Variants in HYCC2 observed in about 807,000 individuals in gnomAD.
The protein encoded by HYCC2 is hyccin PI4KA lipid kinase complex subunit 2, also known as hyccin 2.
At chr2:201,019,561 T>C in the HYCC2 span, among the ~76,000 whole-genome samples, 23 of 152,014 alleles carry the variant, frequency 1.5e-4, no homozygotes, top group African/African-American at 4.1e-4. Flanking sequence ...CAGACCAGCC[T>C]GCACAATGTG....
At chr2:200,997,266 A>AAAC in the HYCC2 span, 11 of 484,604 alleles carry the variant, frequency 2.3e-5, no homozygotes, top group African/African-American at 4.0e-5. Flanking sequence ...TAAAAAACCA[A>AAAC]AACAACAACA....
chr2:201,038,833 A>G, the HYCC2 span, among the ~76,000 whole-genome samples: 4 of 152,242 alleles, frequency 2.6e-5, no homozygotes, highest in African/African-American at 9.6e-5. Flanking sequence ...AACATGGCAC[A>G]TGTATACATA....
chr2:201,034,077 T>C, the HYCC2 span, among the ~76,000 whole-genome samples: 1 of 152,024 alleles, frequency 6.6e-6, no homozygotes, highest in Non-Finnish European at 1.5e-5. Flanking sequence ...ATATCTATAG[T>C]TTCCACCCAT....
At chr2:201,051,339 T>A in the HYCC2 span, among the ~76,000 whole-genome samples, 1 of 152,220 alleles carries the variant, frequency 6.6e-6, no homozygotes, top group Admixed American at 6.5e-5. Context: ...CCACTTCTAT[T>A]CAACATTGTA....
At chr2:201,015,721 A>C in the HYCC2 span, among the ~76,000 whole-genome samples, 1 of 152,198 alleles carries the variant, frequency 6.6e-6, no homozygotes, top group African/African-American at 2.4e-5. Flanking sequence ...CAAAACTGAC[A>C]CAAAATTGTC....
the HYCC2 span, chr2:201,022,174 T>A: frequency 2.0e-6 from 2 of 979,802 alleles, no homozygotes; most frequent in Non-Finnish European, 2.8e-6. Flanking sequence ...TAAGCATACA[T>A]GAATCCAGTG....
At chr2:201,029,770 G>A in the HYCC2 span, among the ~76,000 whole-genome samples, 1 of 152,072 alleles carries the variant, frequency 6.6e-6, no homozygotes, top group East Asian at 1.9e-4. Context: ...CATTCACCAG[G>A]GCCTGTCATG....
the HYCC2 span, among the ~76,000 whole-genome samples, chr2:201,042,302 G>C: frequency 1.3e-5 from 2 of 152,034 alleles, no homozygotes; most frequent in East Asian, 3.9e-4. Flanking sequence ...ATCTCGGATC[G>C]CTACAACCTA....
the HYCC2 span, among the ~76,000 whole-genome samples, chr2:201,028,768 A>G: frequency 1.8e-4 from 28 of 152,214 alleles, no homozygotes; most frequent in Non-Finnish European, 7.3e-5. Context: ...CAAATGTAGA[A>G]AGCTGAAACT....
chr2:200,981,022 GA>G, the HYCC2 span: 2 of 529,096 alleles, frequency 3.8e-6, no homozygotes, highest in Non-Finnish European at 6.8e-6. This position sits in a 1 kb window ranked among gnomAD's most constrained non-coding sequence, Gnocchi z 4.5. Context: ...GGAAGGCATG[GA>G]AAAGGCAACC....
At chr2:201,042,101 C>T in the HYCC2 span, among the ~76,000 whole-genome samples, 1 of 152,176 alleles carries the variant, frequency 6.6e-6, no homozygotes, top group Non-Finnish European at 1.5e-5. Context: ...GGATTGCAGG[C>T]ACATGCCGCC....
the HYCC2 span, among the ~76,000 whole-genome samples, chr2:201,039,891 T>C: frequency 2.0e-5 from 3 of 152,042 alleles, no homozygotes; most frequent in Non-Finnish European, 4.4e-5. Context: ...AGTGAGGAAA[T>C]AGGCTGGGCA....
At chr2:201,033,029 T>C in the HYCC2 span, among the ~76,000 whole-genome samples, 14 of 152,192 alleles carry the variant, frequency 9.2e-5, no homozygotes, top group South Asian at 2.9e-3. Flanking sequence ...ATTTGTTTTT[T>C]TTTTAAATGT....
At chr2:201,069,543 AACACACACACACACACACACACACAC>A in the HYCC2 span, among the ~76,000 whole-genome samples, 3,897 of 143,740 alleles carry the variant, frequency 0.027, 76 homozygotes, top group Middle Eastern at 0.086. Flanking sequence ...CATAAGAAGA[AACACACACACACACACACACACACAC>A]ACACACACAC....
At chr2:201,007,353 G>C in the HYCC2 span, among the ~76,000 whole-genome samples, 1 of 152,136 alleles carries the variant, frequency 6.6e-6, no homozygotes, top group Non-Finnish European at 1.5e-5. Context: ...TAGCCCTACA[G>C]CTGGGCAAAA....
the HYCC2 span, among the ~76,000 whole-genome samples, chr2:201,003,439 G>A: frequency 9.6e-3 from 1,454 of 152,216 alleles, 24 homozygotes; most frequent in African/African-American, 0.033. Context: ...AGCTGAGATC[G>A]CACCACTGCA....
At chr2:201,008,893 A>G in the HYCC2 span, 1 of 898,450 alleles carries the variant, frequency 1.1e-6, no homozygotes. Flanking sequence ...ACAGAGTGAG[A>G]CTCTGTCATT....
the HYCC2 span, among the ~76,000 whole-genome samples, chr2:201,014,826 C>T: frequency 6.6e-6 from 1 of 151,974 alleles, no homozygotes; most frequent in African/African-American, 2.4e-5. Flanking sequence ...ACTAAATACA[C>T]AAAATATAAG....
the HYCC2 span, among the ~76,000 whole-genome samples, chr2:201,062,584 G>A: frequency 6.6e-6 from 1 of 151,592 alleles, no homozygotes; most frequent in African/African-American, 2.4e-5. Flanking sequence ...CTGGGAGGCA[G>A]AGCTTGCAGT....
Sources: allele counts gnomAD v4.1 joint callset (sites outside exome capture counted in the v4.1 genomes callset), GRCh38; gene constraint gnomAD v4.1.1; non-coding constraint Gnocchi (gnomAD v3.1); transcripts MANE v1.5; gene names NCBI Gene and HGNC (gene_info 2026-07-23, HGNC 2026-07-21).